MACROD2: variants seen among roughly 807,000 people sequenced by gnomAD.
MACROD2 encodes mono-ADP ribosylhydrolase 2.
In MACROD2, 36 loss-of-function variants were observed where a neutral mutation model predicts 70.4. The observed-to-expected ratio is 0.51, with a 90% confidence interval of 0.39 to 0.68. The LOEUF is 0.68. Among genes scored for constraint, MACROD2 ranks in the 30% least tolerant of loss-of-function variants. The probability of loss-of-function intolerance (pLI) is 0.00; values close to 1 mark genes in which losing one functional copy is unlikely to be tolerated. For missense variants in MACROD2, 496 were observed against 538.4 expected (o/e 0.92, Z 0.78); for synonymous variants, 172 against 178.8 (o/e 0.96, Z 0.30).
At chr20:14,531,373 C>A (rs1432215429) in intron 4 of MACROD2, among the ~76,000 whole-genome samples, 1 of 152,138 alleles carries the variant, frequency 6.6e-6, no homozygotes, top group African/African-American at 2.4e-5. Context: ...TCCCAGAGGA[C>A]AAGAGCTTGT....
At chr20:15,759,178 C>G (rs2051398512) in intron 8 of MACROD2, among the ~76,000 whole-genome samples, 1 of 146,282 alleles carries the variant, frequency 6.8e-6, no homozygotes, top group Non-Finnish European at 1.5e-5. Context: ...AGAAATGGAC[C>G]CCATAGTCAT....
Position 15,135,593 on chromosome 20 carries a change from C to T in MACROD2, c.419-94347C>T, listed in dbSNP as rs1247601695. ...AATAATAAGAGCTATCTATGACAAA[C>T]CCACAGCCAATATCATACTGAATGG... On this transcript the variant is annotated intron_variant, in intron 5 of 17. Coordinates refer to ENST00000684519, the MANE Select transcript of MACROD2 (RefSeq NM_001351661.2). 5.3e-5 allele frequency among the ~76,000 whole-genome samples: 7 copies of T among 131,692 alleles called. No homozygotes were observed. The Admixed American group carries it at 5.5e-4, about 10-fold the overall frequency. 86.4% of individuals were successfully genotyped at this position (131,692 alleles called of 152,430 possible). A position where few individuals can be genotyped will look rare whatever the true frequency, so the allele number is the denominator to read the frequency against.
chr20:14,641,225 GTTTTA>G (rs1985074069), intron 4 of MACROD2, among the ~76,000 whole-genome samples: 1 of 152,108 alleles, frequency 6.6e-6, no homozygotes, highest in African/African-American at 2.4e-5. Flanking sequence ...ATTGGCTCAA[GTTTTA>G]TCACAAGATT....
At chr20:14,322,200 A>ATATATATATATATATATATATAT (rs1318380598) in intron 3 of MACROD2, among the ~76,000 whole-genome samples, 1 of 133,186 alleles carries the variant, frequency 7.5e-6, no homozygotes, top group Non-Finnish European at 1.6e-5. Flanking sequence ...ATATATATAT[A>ATATATATATATATATATATATAT]TTTTGTATTT....
At chr20:14,035,882 C>T (rs1173192562) in intron 2 of MACROD2, among the ~76,000 whole-genome samples, 1 of 152,228 alleles carries the variant, frequency 6.6e-6, no homozygotes, top group Non-Finnish European at 1.5e-5. Flanking sequence ...GTGGCTGACG[C>T]CTGTAATCCC....
intron 5 of MACROD2, among the ~76,000 whole-genome samples, chr20:14,753,006 G>A (rs2071894171): frequency 6.6e-6 from 1 of 151,988 alleles, no homozygotes; most frequent in Non-Finnish European, 1.5e-5. Context: ...TATATCCACT[G>A]GCTCCCCATT....
Position 15,059,506 on chromosome 20 carries a change from T to C in MACROD2, c.419-170434T>C, listed in dbSNP as rs139853090. Among the ~76,000 whole-genome samples the C allele has an allele frequency of 2.0e-4, 30 of 152,348 alleles. No homozygotes were observed. In the East Asian group the frequency reaches 4.6e-3, roughly 24 times the overall value. On this transcript the variant is annotated intron_variant, in intron 5 of 17. Coordinates refer to ENST00000684519, the MANE Select transcript of MACROD2 (RefSeq NM_001351661.2). ...TGTGAATATTTAATAACAGGGATTA[T>C]TAGAACAAACTATTGCTTTCCTTAT...
rs544616255 is a variant in MACROD2, at chr20:14,110,962, A to T, written c.271+25234A>T. Among the ~76,000 whole-genome samples the T allele has an allele frequency of 1.6e-4, 24 of 152,090 alleles. No individual in the cohort carries two copies. The South Asian group carries it at 5.0e-3, about 32-fold the overall frequency. On this transcript the variant is annotated intron_variant, in intron 3 of 17. Coordinates refer to ENST00000684519, the MANE Select transcript of MACROD2 (RefSeq NM_001351661.2). ...GAGCAAAAACTGGAAGAATCACTTT[A>T]CCTGACTTAAATTATACTGCAGAGC...
intron 6 of MACROD2, among the ~76,000 whole-genome samples, chr20:15,260,682 C>A (rs550226456): frequency 6.6e-6 from 1 of 151,936 alleles, no homozygotes; most frequent in East Asian, 1.9e-4. Context: ...CTTGAAGGAA[C>A]CTCCACACTG....
At position 14,791,638 on chromosome 20, in the gene MACROD2, T is replaced by C. The variant is rs73264669; in HGVS notation, c.418+106679T>C. 6.2e-3 allele frequency among the ~76,000 whole-genome samples: 941 copies of C among 152,164 alleles called. 13 individuals carry two copies. Among genetic ancestry groups the C allele is most frequent in the African/African-American group, 0.022 (896 of 41,480 alleles). ...GACCTTAGACATGAATCAAAGACTC[T>C]TGAATCTCATTATTTCCATGATCCC... On this transcript the variant is annotated intron_variant, in intron 5 of 17. Coordinates refer to ENST00000684519, the MANE Select transcript of MACROD2 (RefSeq NM_001351661.2).
At chr20:15,913,789 G>A (rs978428835) in intron 10 of MACROD2, among the ~76,000 whole-genome samples, 13 of 152,246 alleles carry the variant, frequency 8.5e-5, no homozygotes, top group South Asian at 6.2e-4. Context: ...AAATGCAGTC[G>A]TAAAGTCTCA....
intron 5 of MACROD2, among the ~76,000 whole-genome samples, chr20:15,019,549 G>C (rs925416756): frequency 6.6e-6 from 1 of 152,154 alleles, no homozygotes; most frequent in Admixed American, 6.5e-5. Flanking sequence ...TCCTTTTCTA[G>C]ACTCTTGACT....
At chr20:14,498,239 C>G (rs1405799589) in intron 4 of MACROD2, among the ~76,000 whole-genome samples, 5 of 148,514 alleles carry the variant, frequency 3.4e-5, no homozygotes, top group Admixed American at 6.6e-5. Flanking sequence ...TTTGCCATTA[C>G]ACAATTCATC....
rs191173380 is a variant in MACROD2 at position 14,823,302 on chromosome 20, A to G, written c.418+138343A>G. Among the ~76,000 whole-genome samples, 161 of 152,188 alleles carry G rather than the reference A, an allele frequency of 1.1e-3. No individual in the cohort carries two copies. In the Middle Eastern group the frequency reaches 0.02, roughly 19 times the overall value. Reference sequence around the variant, plus strand: ...ACAATCAAACCTTTTTCTTTTCTTCATGTATAGCAATGCTTAAGTTATTTG... The same window carrying G: ...ACAATCAAACCTTTTTCTTTTCTTCGTGTATAGCAATGCTTAAGTTATTTG... On this transcript the variant is annotated intron_variant, in intron 5 of 17. Coordinates refer to ENST00000684519, the MANE Select transcript of MACROD2 (RefSeq NM_001351661.2).
At chr20:14,625,818 T>G (rs1403815305) in intron 4 of MACROD2, among the ~76,000 whole-genome samples, 3 of 151,812 alleles carry the variant, frequency 2.0e-5, no homozygotes, top group East Asian at 3.9e-4. Flanking sequence ...AGTTTCTGGG[T>G]TTTTTTTGTT....
At chr20:14,390,564 G>A (rs1033858534) in intron 3 of MACROD2, among the ~76,000 whole-genome samples, 1 of 152,140 alleles carries the variant, frequency 6.6e-6, no homozygotes, top group African/African-American at 2.4e-5. Context: ...CAATGGAACG[G>A]AATAGAGAAC....
intron 5 of MACROD2, among the ~76,000 whole-genome samples, chr20:14,816,112 C>T (rs1399344051): frequency 4.6e-5 from 7 of 151,996 alleles, no homozygotes; most frequent in Admixed American, 2.6e-4. Flanking sequence ...ATGAGCAATA[C>T]GCCCTCAGTT....
intron 2 of MACROD2, among the ~76,000 whole-genome samples, chr20:14,008,348 G>A (rs1276846173): frequency 6.6e-6 from 1 of 152,076 alleles, no homozygotes; most frequent in East Asian, 1.9e-4. Flanking sequence ...CGGGAGGCAA[G>A]TCACAAATGA....
intron 6 of MACROD2, among the ~76,000 whole-genome samples, chr20:15,308,359 T>G (rs1003045736): frequency 6.6e-6 from 1 of 152,160 alleles, no homozygotes; most frequent in Non-Finnish European, 1.5e-5. Flanking sequence ...ATAAAAAAAT[T>G]TTAGTCACTT....
Sources: gnomAD v4.1 joint callset for allele counts (sites outside exome capture counted in the v4.1 genomes callset) on GRCh38, gnomAD v4.1.1 for gene constraint, MANE v1.5 for transcripts, NCBI Gene and HGNC (gene_info 2026-07-23, HGNC 2026-07-21) for gene names.